Variants in GARNL3 observed in about 807,000 individuals in gnomAD.
The protein encoded by GARNL3 is GTPase-activating Rap/Ran-GAP domain-like protein 3.
GARNL3 carries 63 observed loss-of-function variants against 125.0 expected under a neutral mutation model. That is an observed-to-expected ratio of 0.50 (90% CI 0.41 to 0.62). The LOEUF (loss-of-function observed/expected upper bound fraction) is 0.62, where lower values mean the gene tolerates loss of function less well. Among genes scored for constraint, GARNL3 ranks in the 20% least tolerant of loss-of-function variants. GARNL3 has a pLI of 0.00. For synonymous variants in GARNL3, 439 were observed against 457.5 expected, an observed-to-expected ratio of 0.96 and a Z score of 0.52; for missense variants, 994 against 1,244.0, an observed-to-expected ratio of 0.80 and a Z score of 3.02.
intron 1 of GARNL3, among the ~76,000 whole-genome samples, chr9:127,241,460 G>A (rs1300968428): frequency 6.6e-6 from 1 of 151,570 alleles, no homozygotes; most frequent in Non-Finnish European, 1.5e-5. Context: ...GGTTTCTTGC[G>A]CTTTGTCATG....
intron 14 of GARNL3, among the ~76,000 whole-genome samples, chr9:127,343,858 G>A (rs974410061): frequency 2.0e-5 from 3 of 152,178 alleles, no homozygotes; most frequent in African/African-American, 7.2e-5. Flanking sequence ...CACAGCTCTA[G>A]GGGTACTGTT....
intron 5 of GARNL3, among the ~76,000 whole-genome samples, chr9:127,320,432 T>C (rs1193200021): frequency 6.6e-6 from 1 of 152,254 alleles, no homozygotes; most frequent in Non-Finnish European, 1.5e-5. Context: ...TTACATTCAT[T>C]ACTTTTAGTA....
chr9:127,253,610 G>A (rs2063443965), intron 2 of GARNL3, among the ~76,000 whole-genome samples: 1 of 152,120 alleles, frequency 6.6e-6, no homozygotes, highest in African/African-American at 2.4e-5. Context: ...AGCATTCTAG[G>A]TGCTAAGGGC....
chr9:127,265,054 A>T, intron 1 of GARNL3, 33 bp downstream of exon 1: 1 of 1,572,988 alleles, frequency 6.4e-7, no homozygotes, highest in Non-Finnish European at 8.7e-7. Context: ...GTGGTAGTAC[A>T]TTGATTTAGA....
chr9:127,285,348 G>A (rs1394309993), intron 1 of GARNL3, among the ~76,000 whole-genome samples: 1 of 152,160 alleles, frequency 6.6e-6, no homozygotes, highest in Non-Finnish European at 1.5e-5. Flanking sequence ...GCTCGAACTC[G>A]GGAGGCAGAG....
At chr9:127,360,878 A>G (rs1471073984) in intron 21 of GARNL3, among the ~76,000 whole-genome samples, 1 of 152,232 alleles carries the variant, frequency 6.6e-6, no homozygotes, top group Non-Finnish European at 1.5e-5. Context: ...AAGAAGCACT[A>G]AAGCAACATT....
chr9:127,256,916 G>A (rs1217845117), intron 2 of GARNL3, among the ~76,000 whole-genome samples: 10 of 152,156 alleles, frequency 6.6e-5, no homozygotes, highest in Admixed American at 6.5e-4. Context: ...TCACAGACAA[G>A]ATACAGAACA....
At chr9:127,234,351 A>G (rs2063073150) in intron 1 of GARNL3, among the ~76,000 whole-genome samples, 1 of 152,246 alleles carries the variant, frequency 6.6e-6, no homozygotes, top group African/African-American at 2.4e-5. Flanking sequence ...AGATCTTAAG[A>G]GAGATGAAGT....
intron 13 of GARNL3, among the ~76,000 whole-genome samples, chr9:127,340,449 T>A (rs1173402727): frequency 2.0e-5 from 3 of 151,996 alleles, no homozygotes; most frequent in African/African-American, 4.8e-5. Context: ...TGCTGCAGCT[T>A]GCTAGCCGCA....
intron 2 of GARNL3, among the ~76,000 whole-genome samples, chr9:127,297,797 C>A (rs1030110329): frequency 2.5e-4 from 38 of 152,154 alleles, no homozygotes; most frequent in African/African-American, 9.2e-4. Context: ...TTGTAATTTG[C>A]ATGGCAATAA....
chr9:127,388,466 C>A, intron 25 of GARNL3: 1 of 199,202 alleles, frequency 5.0e-6, no homozygotes, highest in Admixed American at 5.4e-5. Flanking sequence ...CTAGACATTC[C>A]CCAGCACATG....
intron 22 of GARNL3, among the ~76,000 whole-genome samples, chr9:127,377,504 C>G (rs187139399): frequency 6.6e-6 from 1 of 151,976 alleles, no homozygotes; most frequent in African/African-American, 2.4e-5. Context: ...AAGCAGAAGC[C>G]GGCCAGGAGG....
At chr9:127,247,667 ATATT>A (rs2063327146) in intron 2 of GARNL3, among the ~76,000 whole-genome samples, 2 of 152,076 alleles carry the variant, frequency 1.3e-5, no homozygotes, top group Admixed American at 1.3e-4. Flanking sequence ...GTAGGTGTAT[ATATT>A]TATGGGATAC....
chr9:127,271,394 A>C lies in GARNL3; in HGVS notation c.144+6373A>C, dbSNP rs186984819. ...TGAATGAATGATCCCATTTGGTTGA[A>C]ATTAGAGAGTGGCCTAACCCATCAA... On this transcript the variant is annotated intron_variant, in intron 1 of 27. Coordinates refer to ENST00000373387, the MANE Select transcript of GARNL3 (RefSeq NM_032293.5). 9.5e-4 allele frequency among the ~76,000 whole-genome samples: 143 copies of C among 150,500 alleles called. 2 individuals are homozygous for C. Among genetic ancestry groups the C allele is most frequent in the Non-Finnish European group, 1.6e-3 (106 of 68,036 alleles).
chr9:127,309,146 G>A (rs1464541611), intron 2 of GARNL3, among the ~76,000 whole-genome samples: 1 of 151,982 alleles, frequency 6.6e-6, no homozygotes, highest in Non-Finnish European at 1.5e-5. Flanking sequence ...AGGCTTAAAA[G>A]GCAGGACATA....
Position 127,338,243 on chromosome 9 carries a change from A to G in GARNL3, c.1028+82A>G, listed in dbSNP as rs1005361001. 2.4e-5 allele frequency: 26 copies of G among 1,099,204 alleles called. No homozygotes were observed. The South Asian group carries it at 2.8e-4, about 12-fold the overall frequency. The allele number at this position is 1,099,204 out of a possible 1,614,324, so 68.1% of individuals were successfully genotyped here. A position where few individuals can be genotyped will look rare whatever the true frequency, so the allele number is the denominator to read the frequency against. ...CATTGATTTTTACAAGACTCTTGAT[A>G]TACATATTTCTTGATTGATTTAATA... is the stretch of plus-strand genomic sequence containing the variant. On this transcript the variant is annotated intron_variant, in intron 12 of 27. Transcript: ENST00000373387.
intron 1 of GARNL3, among the ~76,000 whole-genome samples, chr9:127,268,721 T>C (rs1436480013): frequency 6.6e-6 from 1 of 152,176 alleles, no homozygotes; most frequent in Non-Finnish European, 1.5e-5. Context: ...AAACACTGGA[T>C]TCCTATTTGG....
At chr9:127,333,262 C>G in intron 9 of GARNL3, 141 bp downstream of exon 9, 1 of 653,346 alleles carries the variant, frequency 1.5e-6, no homozygotes, top group East Asian at 2.7e-5. Flanking sequence ...ACACCCTGTT[C>G]AACATAGAGT....
intron 1 of GARNL3, among the ~76,000 whole-genome samples, chr9:127,227,617 A>G (rs1447663526): frequency 1.4e-5 from 2 of 145,416 alleles, no homozygotes; most frequent in African/African-American, 2.7e-5. Context: ...AACAAAAAAC[A>G]AAAAAAAAAC....
Sources: gnomAD v4.1 joint callset for allele counts (sites outside exome capture counted in the v4.1 genomes callset) on GRCh38, gnomAD v4.1.1 for gene constraint, MANE v1.5 for transcripts, NCBI Gene and HGNC (gene_info 2026-07-23, HGNC 2026-07-21) for gene names.